Variants in DGKG observed in about 807,000 individuals in gnomAD.
The protein encoded by DGKG is DAG kinase gamma.
DGKG carries 78 observed loss-of-function variants against 105.3 expected under a neutral mutation model. The ratio of observed to expected loss-of-function variants is 0.74; its 90% CI spans 0.62 to 0.89. DGKG has a LOEUF of 0.89. DGKG is among the 40% of genes least tolerant of loss of function. DGKG has a pLI of 0.00. For missense variants in DGKG, 958 were observed against 1,020.1 expected, an observed-to-expected ratio of 0.94 and a Z score of 0.83; for synonymous variants, 346 against 367.1, an observed-to-expected ratio of 0.94 and a Z score of 0.66.
chr3:186,313,340 T>C (rs1724651677), intron 2 of DGKG: 1 of 183,900 alleles, frequency 5.4e-6, no homozygotes, highest in Non-Finnish European at 1.0e-5. Context: ...AGACTTTATA[T>C]AGAAGCAGAG....
At position 186,331,154 on chromosome 3, in the gene DGKG, T is replaced by C. The variant is rs571261579; in HGVS notation, c.-248-10447A>G. On this transcript the variant is annotated intron_variant, in intron 1 of 24. Transcript: ENST00000265022. ...CTAATATGATAATTATGAAGTCAAG[T>C]GAACTATAATTTCTAATTAATAAGC... 3.2e-4 allele frequency among the ~76,000 whole-genome samples: 49 copies of C among 152,340 alleles called. No homozygotes were observed. In the Middle Eastern group the frequency reaches 0.01, roughly 32 times the overall value.
At chr3:186,238,157 C>T (rs994458962) in intron 20 of DGKG, among the ~76,000 whole-genome samples, 1 of 151,736 alleles carries the variant, frequency 6.6e-6, no homozygotes, top group African/African-American at 2.4e-5. Flanking sequence ...GTTAGCCAGG[C>T]GTGGTGGTGT....
At chr3:186,155,871 C>G (rs930708971) in intron 24 of DGKG, among the ~76,000 whole-genome samples, 1 of 152,286 alleles carries the variant, frequency 6.6e-6, no homozygotes, top group African/African-American at 2.4e-5. Context: ...ATGCCTTTCT[C>G]ACTGTTTTAA....
chr3:186,239,921 C>T (rs1231197058), intron 20 of DGKG, among the ~76,000 whole-genome samples: 2 of 142,826 alleles, frequency 1.4e-5, no homozygotes, highest in Non-Finnish European at 3.0e-5. Flanking sequence ...TTTTTTCTGA[C>T]GGATGTGTCT....
chr3:186,254,272 C>G (rs553734348), intron 17 of DGKG, among the ~76,000 whole-genome samples: 4 of 152,284 alleles, frequency 2.6e-5, no homozygotes, highest in African/African-American at 9.6e-5. Flanking sequence ...TAGGGTTGTC[C>G]TGGCAAACTG....
intron 2 of DGKG, among the ~76,000 whole-genome samples, chr3:186,317,683 C>G (rs1044086914): frequency 6.6e-6 from 1 of 152,168 alleles, no homozygotes. Flanking sequence ...GGAAACAATG[C>G]GTGCATCAGG....
At chr3:186,358,287 C>A (rs923352840) in intron 1 of DGKG, among the ~76,000 whole-genome samples, 3 of 152,256 alleles carry the variant, frequency 2.0e-5, no homozygotes, top group Admixed American at 6.5e-5. Context: ...TAAGCTTACG[C>A]ACAGGTGCTG....
chr3:186,275,734 T>C (rs774398435), intron 9 of DGKG, 70 bp from the exon 10 acceptor site: 258 of 960,032 alleles, frequency 2.7e-4, no homozygotes, highest in Non-Finnish European at 3.9e-4. Flanking sequence ...GGGCTGCCTC[T>C]TGCATGTTCT....
At chr3:186,195,776 A>G (rs1718150565) in intron 21 of DGKG, among the ~76,000 whole-genome samples, 1 of 152,114 alleles carries the variant, frequency 6.6e-6, no homozygotes, top group Non-Finnish European at 1.5e-5. Flanking sequence ...AACATAGTCT[A>G]TCCCTTGTAT....
At chr3:186,271,475 G>T (rs1722314112) in intron 11 of DGKG, among the ~76,000 whole-genome samples, 1 of 152,054 alleles carries the variant, frequency 6.6e-6, no homozygotes, top group African/African-American at 2.4e-5. Flanking sequence ...TCCCACCCCA[G>T]TCGGGCCCTC....
At chr3:186,209,629 A>G (rs1424235241) in intron 21 of DGKG, among the ~76,000 whole-genome samples, 1 of 152,038 alleles carries the variant, frequency 6.6e-6, no homozygotes, top group Non-Finnish European at 1.5e-5. Context: ...TGTTGTCTGC[A>G]GCAACCACGT....
At chr3:186,344,849 T>C (rs935614636) in intron 1 of DGKG, among the ~76,000 whole-genome samples, 10 of 152,262 alleles carry the variant, frequency 6.6e-5, no homozygotes, top group African/African-American at 1.9e-4. Flanking sequence ...TATAACCTGA[T>C]GCAAAATTAA....
At chr3:186,264,236 C>T (rs560924235) in intron 14 of DGKG, among the ~76,000 whole-genome samples, 1 of 149,694 alleles carries the variant, frequency 6.7e-6, no homozygotes, top group East Asian at 2.0e-4. Flanking sequence ...AGATTCTCCC[C>T]TCATTCGGCC....
chr3:186,161,387 T>G, intron 24 of DGKG: 1 of 1,398,558 alleles, frequency 7.2e-7, no homozygotes, highest in East Asian at 2.7e-5. Flanking sequence ...TTCAATTTTG[T>G]GACCGGCGCT....
At chr3:186,330,622 G>A (rs114458611) in intron 1 of DGKG, among the ~76,000 whole-genome samples, 2,974 of 152,272 alleles carry the variant, frequency 0.02, 98 homozygotes, top group African/African-American at 0.068. Context: ...CCACGTGGAT[G>A]AAGGGAGATC....
chr3:186,190,241 T>G (rs761020370), intron 21 of DGKG, among the ~76,000 whole-genome samples: 1 of 152,162 alleles, frequency 6.6e-6, no homozygotes, highest in Non-Finnish European at 1.5e-5. Context: ...GACTGTCAAC[T>G]CTCTTCATCT....
In DGKG at chr3:186,202,638, T is replaced by C. The variant is rs79713123; in HGVS notation, c.1917+9157A>G. The stretch of plus-strand genomic sequence containing the variant: ...GGTAGACATTGCTTGGGGAAAGTTA[T>C]TCTTTTAGTAAGGGACCTTGGTGGT... On this transcript the variant is annotated intron_variant, in intron 21 of 24. Coordinates refer to ENST00000265022, the MANE Select transcript of DGKG (RefSeq NM_001346.3). Among the ~76,000 whole-genome samples, 1,396 of 152,328 alleles carry C rather than the reference T, an allele frequency of 9.2e-3. 29 individuals are homozygous for C. The highest frequency in any genetic ancestry group is 0.032 in the African/African-American group (1,321 of 41,568).
At chr3:186,332,187 A>G (rs1725635635) in intron 1 of DGKG, among the ~76,000 whole-genome samples, 1 of 152,226 alleles carries the variant, frequency 6.6e-6, no homozygotes, top group South Asian at 2.1e-4. Flanking sequence ...CTGAAAAGCC[A>G]ACATTATTTG....
chr3:186,275,692 C>T (rs760646366), intron 9 of DGKG, 28 bp from the exon 10 acceptor site: 3 of 1,575,270 alleles, frequency 1.9e-6, no homozygotes, highest in Non-Finnish European at 2.6e-6. Context: ...GGTGAGACCC[C>T]AAGCTGGCTG....
Sources: gnomAD v4.1 joint callset for allele counts (sites outside exome capture counted in the v4.1 genomes callset) on GRCh38, gnomAD v4.1.1 for gene constraint, MANE v1.5 for transcripts, NCBI Gene and HGNC (gene_info 2026-07-23, HGNC 2026-07-21) for gene names.